The following RIIAD1 variants were observed in gnomAD, a reference collection of about 807,000 sequenced individuals.
RIIAD1 encodes regulatory subunit of type II PKA R-subunit domain containing 1, also known as RIIa domain-containing protein 1.
Under a neutral mutation model 13.3 loss-of-function variants are expected in RIIAD1, and 15 were observed. That is an observed-to-expected ratio of 1.13 (90% confidence interval 0.76 to 1.74). The LOEUF is 1.74. RIIAD1 is among the 40% of genes most tolerant of loss of function. The pLI, the probability that RIIAD1 is intolerant of heterozygous loss-of-function variation, is 0.00. For missense variants in RIIAD1, 121 were observed against 112.2 expected, an observed-to-expected ratio of 1.08 and a Z score of -0.35; for synonymous variants, 50 against 43.3, an observed-to-expected ratio of 1.16 and a Z score of -0.61.
intron 4 of RIIAD1, chr1:151,715,740 C>A: frequency 6.3e-7 from 1 of 1,591,522 alleles, no homozygotes; most frequent in Non-Finnish European, 8.5e-7. Context: ...TCAGCTCCTC[C>A]ATCCACTTTC....
intron 2 of RIIAD1, among the ~76,000 whole-genome samples, chr1:151,726,036 A>T (rs1229736650): frequency 6.6e-6 from 1 of 152,212 alleles, no homozygotes; most frequent in African/African-American, 2.4e-5. Flanking sequence ...CTCTCAAGGA[A>T]GTCATAGTCT....
At chr1:151,728,525 G>A in intron 3 of RIIAD1, 2 of 502,274 alleles carry the variant, frequency 4.0e-6, no homozygotes, top group South Asian at 2.5e-5. Context: ...AGCGTGGAGG[G>A]GAGGCAGCCA....
intron 3 of RIIAD1, chr1:151,728,294 A>C: frequency 5.7e-6 from 1 of 175,502 alleles, no homozygotes; most frequent in Non-Finnish European, 1.2e-5. Context: ...CTGAGAGGGT[A>C]TTCTCAGAGA....
At chr1:151,714,762 G>A (rs1166755643) in intron 4 of RIIAD1, 23 of 959,398 alleles carry the variant, frequency 2.4e-5, no homozygotes, top group Admixed American at 4.2e-5. Flanking sequence ...AAAGACTGAC[G>A]ACTGGGAAGC....
Position 151,728,791 on chromosome 1 carries a change from C to T in RIIAD1, c.234C>T (p.Pro78=). 2.6e-6 allele frequency: 4 copies of T among 1,544,204 alleles called. No individual in the cohort carries two copies. The highest frequency in any genetic ancestry group is 3.5e-6 in the Non-Finnish European group (4 of 1,140,362). ...AADYFTDPRL[P]NKIHMQLIKD... ...ACTACTTCACGGATCCAAGACTTCCCAACAAGATTCACATGCAGCTAATTA... is the reference window on the plus strand; with the variant it reads ...ACTACTTCACGGATCCAAGACTTCCTAACAAGATTCACATGCAGCTAATTA... The change falls in exon 4 of 5, where the codon CCC becomes CCT. Residue 78 remains proline, a synonymous_variant. Coordinates refer to ENST00000479191, the MANE Select transcript of RIIAD1 (RefSeq NM_001144956.3).
intron 4 of RIIAD1, chr1:151,715,832 TC>T: frequency 6.3e-7 from 1 of 1,581,654 alleles, no homozygotes; most frequent in Non-Finnish European, 8.6e-7. Flanking sequence ...TCCCCCAGCC[TC>T]CCAGCCCACC....
chr1:151,713,645 A>C (rs920373239), intron 3 of RIIAD1: 2 of 152,262 alleles, frequency 1.3e-5, no homozygotes, highest in African/African-American at 4.8e-5. Flanking sequence ...TCAAGAGCTC[A>C]CATGCCTGTG....
chr1:151,727,820 G>A (rs1345315954), intron 3 of RIIAD1, among the ~76,000 whole-genome samples, 199 bp downstream of exon 3: 1 of 152,140 alleles, frequency 6.6e-6, no homozygotes, highest in Admixed American at 6.5e-5. Context: ...AAGAAATGAG[G>A]CAGAACTTCC....
At position 151,722,112 on chromosome 1, in the gene RIIAD1, G is replaced by T. The variant is rs193236517; in HGVS notation, c.111G>T (p.Lys37Asn). Residue 37 changes from lysine to asparagine, a missense_variant, in exon 2 of 5, where the codon AAG (lysine) becomes AAT (asparagine). Transcript: ENST00000479191. Reference protein sequence around the residue: ...FKIQTRIANEKYLRTHKEVEW... With the variant: ...FKIQTRIANENYLRTHKEVEW... ...TTCAGACTCGGATTGCTAACGAAAA[G>T]TACCTAAGGACCCACAAAGAAGTAG... The T allele has an allele frequency of 6.4e-7, 1 of 1,551,374 alleles. No individual in the cohort carries two copies.
intron 2 of RIIAD1, among the ~76,000 whole-genome samples, chr1:151,713,234 AC>A (rs1359319273): frequency 6.6e-6 from 1 of 151,942 alleles, no homozygotes; most frequent in South Asian, 2.1e-4. Flanking sequence ...CTTCTTCCTC[AC>A]CCCCACCCTG....
chr1:151,713,706 C>CTCACACA (rs1673216471), intron 3 of RIIAD1: 1 of 153,548 alleles, frequency 6.5e-6, no homozygotes, highest in Non-Finnish European at 1.5e-5. Flanking sequence ...ACGTGCATGG[C>CTCACACA]CCTTAACTCT....
intron 3 of RIIAD1, chr1:151,728,468 G>C (rs960645497): frequency 1.3e-4 from 53 of 403,694 alleles, no homozygotes; most frequent in African/African-American, 1.0e-3. Context: ...CAAACGGTGC[G>C]ACTCGGGGTA....
upstream of RIIAD1, chr1:151,721,519 C>A (rs916209188): frequency 1.2e-5 from 16 of 1,305,390 alleles, no homozygotes; most frequent in African/African-American, 2.3e-4. Context: ...GGCCGGTCGC[C>A]TTGACGACCG....
chr1:151,719,551 G>A (rs750683152), upstream of RIIAD1: 1 of 688,988 alleles, frequency 1.5e-6, no homozygotes, highest in Non-Finnish European at 2.6e-6. Flanking sequence ...TGTGGGCAGA[G>A]TGGCTAGTCA....
upstream of RIIAD1, among the ~76,000 whole-genome samples, chr1:151,719,388 T>C (rs1673695366): frequency 6.6e-6 from 1 of 152,174 alleles, no homozygotes; most frequent in African/African-American, 2.4e-5. Flanking sequence ...CACCCTCTTT[T>C]TTATTCCTCT....
intron 2 of RIIAD1, among the ~76,000 whole-genome samples, chr1:151,727,111 A>G (rs922521955): frequency 2.5e-4 from 38 of 152,112 alleles, no homozygotes; most frequent in African/African-American, 8.5e-4. Context: ...CCACATAGTA[A>G]GACTCTGCCG....
chr1:151,728,686 T>G (rs1346366494), intron 3 of RIIAD1, 80 bp from the exon 4 acceptor site: 1 of 826,488 alleles, frequency 1.2e-6, no homozygotes, highest in Non-Finnish European at 2.0e-6. Context: ...AACTTTTTGG[T>G]GGAGTAAGCT....
intron 2 of RIIAD1, among the ~76,000 whole-genome samples, chr1:151,724,976 ATTTT>A (rs879286538): frequency 7.3e-6 from 1 of 137,860 alleles, no homozygotes; most frequent in Non-Finnish European, 1.6e-5. Flanking sequence ...ATTATTTTGC[ATTTT>A]TTTTTTTTTA....
chr1:151,719,292 G>A (rs938302803), upstream of RIIAD1, among the ~76,000 whole-genome samples: 1 of 152,154 alleles, frequency 6.6e-6, no homozygotes, highest in Non-Finnish European at 1.5e-5. Context: ...GGGGAGCCCT[G>A]AGACTCAGAT....
Sources: allele counts gnomAD v4.1 joint callset (sites outside exome capture counted in the v4.1 genomes callset), GRCh38; gene constraint gnomAD v4.1.1; transcripts MANE v1.5; gene names NCBI Gene and HGNC (gene_info 2026-07-23, HGNC 2026-07-21).